NEK1: variants seen among roughly 807,000 people sequenced by gnomAD.
NEK1 encodes the protein serine/threonine-protein kinase Nek1.
NEK1 carries 137 observed loss-of-function variants against 182.1 expected under a neutral mutation model. That is an observed-to-expected ratio of 0.75 (90% CI 0.65 to 0.87). The LOEUF is 0.87. Among genes scored for constraint, NEK1 ranks in the 40% least tolerant of loss-of-function variants. The probability of loss-of-function intolerance (pLI) is 0.00; values close to 1 mark genes in which losing one functional copy is unlikely to be tolerated. For missense variants in NEK1, 1,391 were observed against 1,494.4 expected, an observed-to-expected ratio of 0.93 and a Z score of 1.14; for synonymous variants, 513 against 492.2, an observed-to-expected ratio of 1.04 and a Z score of -0.56.
At chr4:169,430,397 C>T (rs924158196) in intron 29 of NEK1, among the ~76,000 whole-genome samples, 2 of 152,178 alleles carry the variant, frequency 1.3e-5, no homozygotes, top group Non-Finnish European at 2.9e-5. Flanking sequence ...GTTGGCCACA[C>T]TGGTCTCGAA....
intron 26 of NEK1, among the ~76,000 whole-genome samples, chr4:169,468,820 T>C (rs2149519390): frequency 6.6e-6 from 1 of 152,306 alleles, no homozygotes; most frequent in East Asian, 1.9e-4. Flanking sequence ...TTTTCAGGGA[T>C]TCGACTTCTT....
At chr4:169,481,293 A>G (rs553539700) in intron 23 of NEK1, among the ~76,000 whole-genome samples, 1 of 152,348 alleles carries the variant, frequency 6.6e-6, no homozygotes, top group South Asian at 2.1e-4. Flanking sequence ...CATTAACTCC[A>G]TGAATCAAAA....
chr4:169,485,915 C>T lies in NEK1; in HGVS notation c.2008-6381G>A, dbSNP rs80039287. Among the ~76,000 whole-genome samples the T allele has an allele frequency of 4.5e-3, 680 of 152,044 alleles. 3 individuals carry two copies. Among genetic ancestry groups the T allele is most frequent in the African/African-American group, 0.015 (631 of 41,458 alleles). ...AAGAACATTAGCTTATGTATGGTGA[C>T]GTGTGCTAAGGGTCCCAGCTATAGA... is the stretch of plus-strand genomic sequence containing the variant. On this transcript the variant is annotated intron_variant, in intron 23 of 35. Coordinates refer to ENST00000507142, the MANE Select transcript of NEK1 (RefSeq NM_001199397.3).
chr4:169,484,550 A>T (rs182956988), intron 23 of NEK1, among the ~76,000 whole-genome samples: 36 of 152,352 alleles, frequency 2.4e-4, no homozygotes, highest in African/African-American at 8.7e-4. Flanking sequence ...CACATAAATC[A>T]ATCAGTATGT....
chr4:169,594,054 T>C (rs1011786082), intron 5 of NEK1, among the ~76,000 whole-genome samples: 47 of 152,158 alleles, frequency 3.1e-4, no homozygotes, highest in Non-Finnish European at 3.2e-4. Flanking sequence ...CACACATTAG[T>C]TCCATATTAA....
At chr4:169,529,554 C>A (rs1332919706) in intron 19 of NEK1, among the ~76,000 whole-genome samples, 2 of 152,036 alleles carry the variant, frequency 1.3e-5, no homozygotes, top group African/African-American at 2.4e-5. Context: ...AAAGCATGAT[C>A]CAAACAAAAA....
chr4:169,438,284 C>A, intron 27 of NEK1, 25 bp from the exon 28 acceptor site: 1 of 1,502,402 alleles, frequency 6.7e-7, no homozygotes, highest in Non-Finnish European at 8.9e-7. Context: ...AATAAAAAAT[C>A]ATGCTAGTTC....
intron 12 of NEK1, among the ~76,000 whole-genome samples, chr4:169,571,612 T>A (rs752238941): frequency 2.6e-5 from 4 of 152,194 alleles, no homozygotes; most frequent in African/African-American, 4.8e-5. Flanking sequence ...GTACTTGGCA[T>A]GTTTAAGGAC....
At chr4:169,479,616 T>C in intron 23 of NEK1, 82 bp from the exon 24 acceptor site, 1 of 1,121,268 alleles carries the variant, frequency 8.9e-7, no homozygotes, top group Non-Finnish European at 1.3e-6. Context: ...AGATCACTAT[T>C]TATCCACTCT....
chr4:169,585,249 A>G, intron 10 of NEK1, 100 bp downstream of exon 10: 1 of 768,756 alleles, frequency 1.3e-6, no homozygotes, highest in East Asian at 2.6e-5. Flanking sequence ...AAGGCACACC[A>G]TTCCTCCAAG....
chr4:169,420,344 AAAT>A (rs1036530051), intron 31 of NEK1, among the ~76,000 whole-genome samples: 27 of 152,224 alleles, frequency 1.8e-4, no homozygotes, highest in African/African-American at 5.8e-4. Context: ...GAACACTCCA[AAAT>A]AATGATAAAA....
At chr4:169,605,030 C>T (rs1321210264) in intron 2 of NEK1, among the ~76,000 whole-genome samples, 1 of 149,824 alleles carries the variant, frequency 6.7e-6, no homozygotes, top group Non-Finnish European at 1.5e-5. Context: ...TACTATGCTA[C>T]TTACAAAAAA....
At chr4:169,492,252 G>A (rs1414228336) in intron 23 of NEK1, among the ~76,000 whole-genome samples, 1 of 152,200 alleles carries the variant, frequency 6.6e-6, no homozygotes, top group African/African-American at 2.4e-5. Flanking sequence ...GACATCTCAT[G>A]CCCGTTCTCC....
intron 19 of NEK1, among the ~76,000 whole-genome samples, chr4:169,514,377 C>G (rs1246643443): frequency 2.0e-5 from 3 of 152,126 alleles, no homozygotes; most frequent in Non-Finnish European, 4.4e-5. Flanking sequence ...GTAATACAGT[C>G]TCAAAATGAG....
At chr4:169,465,420 G>A (rs991734227) in intron 26 of NEK1, among the ~76,000 whole-genome samples, 2 of 152,070 alleles carry the variant, frequency 1.3e-5, no homozygotes, top group African/African-American at 4.8e-5. Context: ...GGAGTCTAGG[G>A]AGGCCAAAGT....
At chr4:169,561,441 GA>G in intron 16 of NEK1, 38 bp downstream of exon 16, 1 of 1,556,694 alleles carries the variant, frequency 6.4e-7, no homozygotes, top group Non-Finnish European at 8.9e-7. Context: ...AACTGGAGGG[GA>G]AAATGGTAGT....
intron 26 of NEK1, among the ~76,000 whole-genome samples, chr4:169,468,503 C>T (rs1249652369): frequency 6.6e-6 from 1 of 152,104 alleles, no homozygotes; most frequent in Non-Finnish European, 1.5e-5. Flanking sequence ...AAACATTGAA[C>T]TCTAATAAAT....
intron 19 of NEK1, among the ~76,000 whole-genome samples, chr4:169,519,578 G>C (rs1299105453): frequency 9.5e-6 from 1 of 105,040 alleles, no homozygotes; most frequent in Non-Finnish European, 1.9e-5. Flanking sequence ...TTGCTCATTA[G>C]TTGATGCAGT....
rs1289349998 is a variant in NEK1 at position 169,597,357 on chromosome 4, T to C, written c.312+1743A>G. Reference sequence around the variant, plus strand: ...GAAATGGCACAGTGGCTCGTGCCTATAATCCCAGCACTTTGAGAGGCCAAG... The same window carrying C: ...GAAATGGCACAGTGGCTCGTGCCTACAATCCCAGCACTTTGAGAGGCCAAG... On this transcript the variant is annotated intron_variant, in intron 5 of 35. Transcript: ENST00000507142. 2.6e-5 allele frequency among the ~76,000 whole-genome samples: 4 copies of C among 152,062 alleles called. No homozygotes were observed. The East Asian group carries it at 5.8e-4, about 22-fold the overall frequency.
Sources: allele counts gnomAD v4.1 joint callset (sites outside exome capture counted in the v4.1 genomes callset), GRCh38; gene constraint gnomAD v4.1.1; transcripts MANE v1.5; gene names NCBI Gene and HGNC (gene_info 2026-07-23, HGNC 2026-07-21).